The following PPARGC1A variants were observed in gnomAD, a reference collection of about 807,000 sequenced individuals.
The protein encoded by PPARGC1A is peroxisome proliferator-activated receptor gamma coactivator 1-alpha.
In PPARGC1A, 25 loss-of-function variants were observed where a neutral mutation model predicts 88.7. The observed-to-expected ratio is 0.28, with a 90% CI of 0.21 to 0.39. The LOEUF (loss-of-function observed/expected upper bound fraction) is 0.39, where lower values mean the gene tolerates loss of function less well. Ranked by LOEUF, PPARGC1A falls within the 10% of genes least tolerant of loss-of-function variation. PPARGC1A has a pLI of 1.00. For synonymous variants in PPARGC1A, 363 were observed against 355.6 expected, an observed-to-expected ratio of 1.02 and a Z score of -0.24; for missense variants, 880 against 968.7, an observed-to-expected ratio of 0.91 and a Z score of 1.22.
At chr4:24,015,185 C>T in the PPARGC1A span, among the ~76,000 whole-genome samples, 2 of 151,922 alleles carry the variant, frequency 1.3e-5, no homozygotes, top group African/African-American at 4.8e-5. Flanking sequence ...AATAAATATA[C>T]ACAGAGACAC....
the PPARGC1A span, among the ~76,000 whole-genome samples, chr4:24,281,750 C>G: frequency 6.6e-6 from 1 of 150,956 alleles, no homozygotes; most frequent in Admixed American, 6.6e-5. Flanking sequence ...TCTGTTTCTT[C>G]CCCCCCACCC....
At chr4:24,326,910 C>T in the PPARGC1A span, among the ~76,000 whole-genome samples, 1 of 152,200 alleles carries the variant, frequency 6.6e-6, no homozygotes, top group African/African-American at 2.4e-5. Context: ...TCTGAGAAGG[C>T]CACCGCAGTC....
the PPARGC1A span, among the ~76,000 whole-genome samples, chr4:23,958,816 AC>A: frequency 6.6e-6 from 1 of 152,136 alleles, no homozygotes; most frequent in East Asian, 1.9e-4. Flanking sequence ...TGCCCTTCCT[AC>A]TAAGAAAGGC....
the PPARGC1A span, among the ~76,000 whole-genome samples, chr4:24,139,464 A>G: frequency 0.015 from 2,347 of 152,268 alleles, 68 homozygotes; most frequent in African/African-American, 0.054. Context: ...CTGACTTAAA[A>G]TCACTGTAAA....
chr4:23,868,055 CACTT>C (rs1229000103), intron 2 of PPARGC1A, among the ~76,000 whole-genome samples: 3 of 152,162 alleles, frequency 2.0e-5, no homozygotes, highest in Non-Finnish European at 2.9e-5. Context: ...AACAGAGACA[CACTT>C]ACTTTCATGC....
At chr4:24,019,994 T>C in the PPARGC1A span, among the ~76,000 whole-genome samples, 2 of 152,202 alleles carry the variant, frequency 1.3e-5, no homozygotes, top group Admixed American at 6.5e-5. Context: ...AGCACACTCA[T>C]AGAGAAATTA....
the PPARGC1A span, among the ~76,000 whole-genome samples, chr4:23,963,046 C>T: frequency 6.6e-6 from 1 of 152,120 alleles, no homozygotes; most frequent in Non-Finnish European, 1.5e-5. Flanking sequence ...ATGGCAATTG[C>T]CATTTCTCAG....
At chr4:24,147,491 C>T in the PPARGC1A span, among the ~76,000 whole-genome samples, 9 of 152,166 alleles carry the variant, frequency 5.9e-5, no homozygotes, top group Non-Finnish European at 8.8e-5. Context: ...CTGTCCTGCC[C>T]ACAGCCCCTT....
the PPARGC1A span, among the ~76,000 whole-genome samples, chr4:24,383,007 G>A: frequency 3.3e-5 from 5 of 152,174 alleles, no homozygotes; most frequent in Admixed American, 3.3e-4. Context: ...CTGACTCTCT[G>A]GGAAGAAGCT....
chr4:23,874,558 TAA>T (rs60012560), intron 2 of PPARGC1A, among the ~76,000 whole-genome samples: 5 of 139,298 alleles, frequency 3.6e-5, no homozygotes, highest in Non-Finnish European at 3.1e-5. Flanking sequence ...TTTTTCCCCC[TAA>T]AAAAAAAAAA....
chr4:24,198,543 T>TCAG, the PPARGC1A span, among the ~76,000 whole-genome samples: 3 of 152,194 alleles, frequency 2.0e-5, no homozygotes, highest in Non-Finnish European at 4.4e-5. Context: ...TTCCTCCAAG[T>TCAG]GTCAACAAGC....
At chr4:24,242,426 G>A in the PPARGC1A span, among the ~76,000 whole-genome samples, 2 of 152,198 alleles carry the variant, frequency 1.3e-5, no homozygotes, top group East Asian at 3.9e-4. Context: ...TGTAGCTGCA[G>A]TTTTCCTACC....
chr4:24,019,045 T>C, the PPARGC1A span, among the ~76,000 whole-genome samples: 2 of 152,222 alleles, frequency 1.3e-5, no homozygotes, highest in Admixed American at 1.3e-4. Context: ...AACCTCATGT[T>C]TCACTTAAAT....
At chr4:24,191,719 C>T in the PPARGC1A span, among the ~76,000 whole-genome samples, 1 of 152,116 alleles carries the variant, frequency 6.6e-6, no homozygotes, top group Non-Finnish European at 1.5e-5. Context: ...GCAGAGGAGG[C>T]CTGTGTGATT....
At chr4:24,057,401 A>G in the PPARGC1A span, among the ~76,000 whole-genome samples, 3 of 151,584 alleles carry the variant, frequency 2.0e-5, no homozygotes, top group Admixed American at 2.0e-4. Flanking sequence ...TTATACAGCA[A>G]TGTGGATGTA....
intron 7 of PPARGC1A, among the ~76,000 whole-genome samples, chr4:23,822,856 G>A (rs931142290): frequency 3.3e-5 from 5 of 151,882 alleles, no homozygotes; most frequent in Admixed American, 6.6e-5. Flanking sequence ...AATGCAATTG[G>A]GCTTTACTTC....
At chr4:23,866,108 G>A (rs1305952948) in intron 2 of PPARGC1A, 1 of 152,152 alleles carries the variant, frequency 6.6e-6, no homozygotes, top group Admixed American at 6.5e-5. Context: ...AAGAAAGAAA[G>A]ATACCAGGAA....
chr4:24,348,152 G>C, the PPARGC1A span, among the ~76,000 whole-genome samples: 1 of 152,226 alleles, frequency 6.6e-6, no homozygotes. Context: ...CTTCTAGCTT[G>C]TAAGGTTTCT....
the PPARGC1A span, among the ~76,000 whole-genome samples, chr4:24,433,624 C>T: frequency 2.0e-5 from 3 of 152,154 alleles, no homozygotes; most frequent in African/African-American, 7.2e-5. Context: ...CGACTTTCCT[C>T]TCCTTGTTGA....
Sources: allele counts gnomAD v4.1 joint callset (sites outside exome capture counted in the v4.1 genomes callset), GRCh38; gene constraint gnomAD v4.1.1; transcripts MANE v1.5; gene names NCBI Gene and HGNC (gene_info 2026-07-23, HGNC 2026-07-21).